Variants in PPTC7 observed in about 807,000 individuals in gnomAD.
PPTC7 encodes protein phosphatase PTC7 homolog.
A neutral mutation model predicts 30.8 loss-of-function variants in PPTC7; 6 were observed. The observed-to-expected ratio is 0.19, with a 90% CI of 0.11 to 0.38. The LOEUF is 0.38. PPTC7 is among the 10% of genes least tolerant of loss of function. PPTC7 has a pLI of 1.00. For synonymous variants in PPTC7, 163 were observed against 168.1 expected (o/e 0.97, Z 0.23); for missense variants, 218 against 404.8 (o/e 0.54, Z 3.96).
chr12:110,533,449 C>G lies in PPTC7; in HGVS notation c.*3588G>C, dbSNP rs2064185533. ...CTAATTTGCTTCATTATTTAGCCAT[C>G]TTTGCCACAAACTACCTGCTAACAG... On this transcript the variant is annotated 3_prime_UTR_variant, in exon 6 of 6. Coordinates refer to ENST00000354300, the MANE Select transcript of PPTC7 (RefSeq NM_139283.2). The G allele has an allele frequency of 6.6e-6, 1 of 152,160 alleles. No homozygotes were observed. Among genetic ancestry groups the G allele is most frequent in the Non-Finnish European group, 1.5e-5 (1 of 68,042 alleles). 9.4% of individuals were successfully genotyped at this position (152,160 alleles called of 1,614,324 possible).
intron 1 of PPTC7, among the ~76,000 whole-genome samples, chr12:110,559,544 G>A (rs1253662280): frequency 6.6e-6 from 1 of 151,536 alleles, no homozygotes; most frequent in Non-Finnish European, 1.5e-5. Context: ...TGTCCAACAT[G>A]GTGAAACCCC....
intron 1 of PPTC7, among the ~76,000 whole-genome samples, chr12:110,565,552 G>A (rs925485693): frequency 1.3e-5 from 2 of 152,216 alleles, no homozygotes; most frequent in African/African-American, 2.4e-5. Flanking sequence ...ACCGTGCCTG[G>A]CCCATACTTT....
chr12:110,558,070 C>G (rs540684875), intron 1 of PPTC7, among the ~76,000 whole-genome samples: 85 of 152,298 alleles, frequency 5.6e-4, no homozygotes, highest in Non-Finnish European at 1.1e-3. Context: ...GAGGGAACTA[C>G]TGTTTCTGGA....
chr12:110,567,019 A>G (rs1186565588), intron 1 of PPTC7, among the ~76,000 whole-genome samples: 1 of 152,204 alleles, frequency 6.6e-6, no homozygotes, highest in Non-Finnish European at 1.5e-5. Context: ...CTCATTTTAC[A>G]TGGGAAATCC....
intron 1 of PPTC7, among the ~76,000 whole-genome samples, chr12:110,564,859 TATATGTGTATATATACATTG>T (rs1229629345): frequency 5.7e-4 from 81 of 142,222 alleles, no homozygotes; most frequent in African/African-American, 1.7e-3. Context: ...CACGTATATG[TATATGTGTATATATACATTG>T]TTTTTTTTTT....
chr12:110,551,925 A>C lies in PPTC7; in HGVS notation c.267T>G (p.Asp89Glu). The C allele has an allele frequency of 6.2e-7, 1 of 1,614,170 alleles. No homozygotes were observed. The highest frequency in any genetic ancestry group is 8.5e-7 in the Non-Finnish European group (1 of 1,180,014). Reference protein sequence around the residue: ...GVGGWRDYGVDPSQFSGTLMR... With the variant: ...GVGGWRDYGVEPSQFSGTLMR... ...TTAAAGTCCCTGAGAATTGAGATGG[A>C]TCAACTCCATAGTCTCTCCAGCCTC... Residue 89 changes from aspartate (D) to glutamate (E), a missense_variant, in exon 2 of 6, where the codon GAT becomes GAG. Coordinates refer to ENST00000354300, the MANE Select transcript of PPTC7 (RefSeq NM_139283.2).
At chr12:110,575,758 CAG>C (rs971306535) in intron 1 of PPTC7, among the ~76,000 whole-genome samples, 1 of 151,510 alleles carries the variant, frequency 6.6e-6, no homozygotes, top group African/African-American at 2.4e-5. Context: ...GAATCCTTTA[CAG>C]AGACTGTTAA....
intron 1 of PPTC7, among the ~76,000 whole-genome samples, chr12:110,573,814 T>A (rs1392739184): frequency 6.6e-6 from 1 of 152,010 alleles, no homozygotes; most frequent in Non-Finnish European, 1.5e-5. Context: ...AAACCCCGTC[T>A]CTACTAAAAA....
intron 1 of PPTC7, among the ~76,000 whole-genome samples, chr12:110,559,613 C>T (rs1340566067): frequency 1.3e-5 from 2 of 151,164 alleles, no homozygotes; most frequent in South Asian, 2.1e-4. Context: ...GTAATCCCAG[C>T]TTCTTGGGAT....
chr12:110,554,103 T>C (rs1224586200), intron 1 of PPTC7, among the ~76,000 whole-genome samples: 3 of 152,252 alleles, frequency 2.0e-5, no homozygotes, highest in African/African-American at 7.2e-5. Context: ...TCTGCCCATC[T>C]CGGCCTCCCA....
chr12:110,573,838 G>A (rs1052173420), intron 1 of PPTC7, among the ~76,000 whole-genome samples: 4 of 151,946 alleles, frequency 2.6e-5, no homozygotes, highest in Admixed American at 6.6e-5. Flanking sequence ...AAAATTAGTC[G>A]GGTGTGGTGG....
rs572972230 is a variant in PPTC7, at chr12:110,577,324, T to C, written c.223+5485A>G. Among the ~76,000 whole-genome samples the C allele has an allele frequency of 8.0e-4, 121 of 150,596 alleles. No homozygotes were observed. The Middle Eastern group carries it at 0.017, about 21-fold the overall frequency. ...TAAAAAAAAAAAGAAAAAAAAATTA[T>C]GGTAATATAATGAGAGTGGTGTCCT... On this transcript the variant is annotated intron_variant, in intron 1 of 5. Coordinates refer to ENST00000354300, the MANE Select transcript of PPTC7 (RefSeq NM_139283.2).
intron 1 of PPTC7, among the ~76,000 whole-genome samples, chr12:110,564,765 T>C (rs2064466619): frequency 6.7e-6 from 1 of 149,840 alleles, no homozygotes; most frequent in African/African-American, 2.5e-5. Context: ...CACATATATA[T>C]ACACGTATAT....
intron 1 of PPTC7, among the ~76,000 whole-genome samples, chr12:110,565,041 A>AT (rs2064471239): frequency 6.6e-6 from 1 of 151,064 alleles, no homozygotes; most frequent in Non-Finnish European, 1.5e-5. Flanking sequence ...TGCCCGGTTC[A>AT]TTTTTTGAAT....
In PPTC7 at chr12:110,551,791, A is replaced by G; in HGVS notation, c.401T>C (p.Leu134Pro). Residue 134 changes from leucine (L) to proline (P), a missense_variant and splice_region_variant, in exon 2 of 6, where the codon CTC (leucine) becomes CCC (proline). Coordinates refer to ENST00000354300, the MANE Select transcript of PPTC7 (RefSeq NM_139283.2). ...AAACACATAAGATACCCACTTACCG[A>G]GCAAAGGGACTTTATTTTGCAGCAA... is the stretch of plus-strand genomic sequence containing the variant. ...CELLQNKVPLLGSSTACIVVL... is the reference protein window; with the variant it reads ...CELLQNKVPLPGSSTACIVVL... The G allele has an allele frequency of 1.2e-6, 2 of 1,612,828 alleles. No individual in the cohort carries two copies. The highest frequency in any genetic ancestry group is 1.7e-6 in the Non-Finnish European group (2 of 1,178,902).
At chr12:110,574,763 A>G (rs1293428786) in intron 1 of PPTC7, among the ~76,000 whole-genome samples, 1 of 152,038 alleles carries the variant, frequency 6.6e-6, no homozygotes, top group Admixed American at 6.6e-5. Context: ...GGGAGACAGA[A>G]AACTCCCTAT....
At chr12:110,541,726 A>C (rs2064261469) in intron 3 of PPTC7, among the ~76,000 whole-genome samples, 1 of 151,258 alleles carries the variant, frequency 6.6e-6, no homozygotes, top group African/African-American at 2.4e-5. Flanking sequence ...AAAAAAGAAT[A>C]CATTCACCGG....
At chr12:110,540,320 C>CCCCT (rs2064249126) in intron 3 of PPTC7, among the ~76,000 whole-genome samples, 1 of 85,212 alleles carries the variant, frequency 1.2e-5, no homozygotes, top group African/African-American at 3.8e-5. Flanking sequence ...TCCCCCCCCG[C>CCCCT]CTTTTTTTTT....
chr12:110,542,087 T>C (rs1284110042), intron 3 of PPTC7, among the ~76,000 whole-genome samples: 1 of 151,624 alleles, frequency 6.6e-6, no homozygotes, highest in Non-Finnish European at 1.5e-5. Context: ...AAGCTGAAGG[T>C]TGCAGTGAGC....
Sources: gnomAD v4.1 joint callset for allele counts (sites outside exome capture counted in the v4.1 genomes callset) on GRCh38, gnomAD v4.1.1 for gene constraint, MANE v1.5 for transcripts, NCBI Gene and HGNC (gene_info 2026-07-23, HGNC 2026-07-21) for gene names.